Variants in SNX29 observed in about 807,000 individuals in gnomAD.
SNX29 encodes sorting nexin 29.
A neutral mutation model predicts 102.1 loss-of-function variants in SNX29; 78 were observed. The observed-to-expected ratio is 0.76, with a 90% CI of 0.64 to 0.92. The LOEUF (loss-of-function observed/expected upper bound fraction) is 0.92, where lower values mean the gene tolerates loss of function less well. SNX29 is among the 40% of genes least tolerant of loss of function. The probability of loss-of-function intolerance (pLI) is 0.00; values close to 1 mark genes in which losing one functional copy is unlikely to be tolerated. For synonymous variants in SNX29, 580 were observed against 414.5 expected (o/e 1.40, Z -4.85); for missense variants, 1,280 against 1,061.7 (o/e 1.21, Z -2.86).
chr16:12,374,090 G>C (rs1230527008), intron 16 of SNX29, among the ~76,000 whole-genome samples: 1 of 152,192 alleles, frequency 6.6e-6, no homozygotes, highest in Non-Finnish European at 1.5e-5. Flanking sequence ...TGCTCCTCCA[G>C]GTCCCCTCTG....
At chr16:12,312,177 T>C (rs1344082439) in intron 15 of SNX29, among the ~76,000 whole-genome samples, 1 of 152,146 alleles carries the variant, frequency 6.6e-6, no homozygotes, top group Admixed American at 6.5e-5. Flanking sequence ...GCAAAAAGGA[T>C]ATTGGGGGCT....
intron 13 of SNX29, among the ~76,000 whole-genome samples, chr16:12,167,396 T>A (rs2076041003): frequency 6.6e-6 from 1 of 152,094 alleles, no homozygotes; most frequent in Admixed American, 6.5e-5. Flanking sequence ...CCTCTGTGGG[T>A]CCAGGTAGAG....
At chr16:12,012,143 C>A (rs1459158458) in intron 3 of SNX29, among the ~76,000 whole-genome samples, 4 of 152,226 alleles carry the variant, frequency 2.6e-5, no homozygotes, top group Admixed American at 2.6e-4. Flanking sequence ...GGGAGTTGGA[C>A]ATGTAAATTG....
At chr16:12,010,800 T>C (rs1015453587) in intron 3 of SNX29, among the ~76,000 whole-genome samples, 1 of 152,144 alleles carries the variant, frequency 6.6e-6, no homozygotes, top group African/African-American at 2.4e-5. Flanking sequence ...TTTGGACTTT[T>C]CAGGAAGCTA....
At chr16:12,248,284 T>C (rs1048019447) in intron 14 of SNX29, among the ~76,000 whole-genome samples, 3 of 152,130 alleles carry the variant, frequency 2.0e-5, no homozygotes, top group Non-Finnish European at 2.9e-5. Flanking sequence ...ATCGTTGTTC[T>C]TCATCGTGTT....
At chr16:12,562,698 C>A (rs183692672) in intron 20 of SNX29, among the ~76,000 whole-genome samples, 2 of 152,214 alleles carry the variant, frequency 1.3e-5, no homozygotes, top group Admixed American at 6.5e-5. Flanking sequence ...TCTTTGGAGT[C>A]GAGATTGAAG....
intron 19 of SNX29, among the ~76,000 whole-genome samples, chr16:12,489,285 G>A (rs1347946946): frequency 2.0e-4 from 29 of 144,008 alleles, no homozygotes; most frequent in African/African-American, 4.5e-4. Context: ...TAACACGCTG[G>A]AAAAAAAAAA....
intron 11 of SNX29, among the ~76,000 whole-genome samples, chr16:12,107,675 G>A (rs778011274): frequency 6.6e-6 from 1 of 152,114 alleles, no homozygotes; most frequent in African/African-American, 2.4e-5. Flanking sequence ...GGAGTTGCTG[G>A]TTATGTGGAT....
intron 13 of SNX29, among the ~76,000 whole-genome samples, chr16:12,194,888 A>G (rs536402163): frequency 1.3e-5 from 2 of 152,196 alleles, no homozygotes; most frequent in African/African-American, 2.4e-5. Context: ...CGGTCTCCCA[A>G]AGTGCTGGGA....
At position 12,572,062 on chromosome 16, in the gene SNX29, C is replaced by G; in HGVS notation, c.*3433C>G. ...GTGGAGTTGTAAACAAGGGAACCATCTTGCAAGATCTAGGAAGAGGAAGGG... is the reference window on the plus strand; with the variant it reads ...GTGGAGTTGTAAACAAGGGAACCATGTTGCAAGATCTAGGAAGAGGAAGGG... On this transcript the variant is annotated 3_prime_UTR_variant, in exon 21 of 21. Coordinates refer to ENST00000566228, the MANE Select transcript of SNX29 (RefSeq NM_032167.5). 9.4e-7 allele frequency: 1 copy of G among 1,063,564 alleles called. No homozygotes were observed. The highest frequency in any genetic ancestry group is 5.4e-5 in the Admixed American group (1 of 18,664). 65.9% of individuals were successfully genotyped at this position (1,063,564 alleles called of 1,614,324 possible).
chr16:12,164,556 C>CACAAA (rs1213156357), intron 13 of SNX29, among the ~76,000 whole-genome samples: 2 of 152,026 alleles, frequency 1.3e-5, no homozygotes, highest in East Asian at 3.9e-4. Flanking sequence ...TGAAACTTCT[C>CACAAA]ACTTTGAAAG....
chr16:12,544,643 T>G (rs1257338520), intron 20 of SNX29, among the ~76,000 whole-genome samples: 3 of 152,220 alleles, frequency 2.0e-5, no homozygotes, highest in African/African-American at 7.2e-5. Flanking sequence ...CAGGTTCATG[T>G]CAGACTGTTT....
chr16:11,980,478 C>T (rs995300292), intron 1 of SNX29, among the ~76,000 whole-genome samples: 9 of 152,252 alleles, frequency 5.9e-5, no homozygotes, highest in Non-Finnish European at 1.3e-4. Flanking sequence ...TGAACGTTCA[C>T]GCACATGTTT....
intron 20 of SNX29, among the ~76,000 whole-genome samples, chr16:12,540,915 T>G (rs1756900631): frequency 6.6e-6 from 1 of 152,198 alleles, no homozygotes; most frequent in Non-Finnish European, 1.5e-5. Context: ...GACAGCCCTG[T>G]CTGTTCACCC....
intron 15 of SNX29, among the ~76,000 whole-genome samples, chr16:12,294,624 C>T (rs1036288158): frequency 1.1e-4 from 16 of 152,166 alleles, no homozygotes; most frequent in Non-Finnish European, 2.2e-4. Context: ...CTGCCCTTTG[C>T]CTATGCTCAG....
chr16:12,166,092 A>G (rs2056009016), intron 13 of SNX29, among the ~76,000 whole-genome samples: 1 of 152,254 alleles, frequency 6.6e-6, no homozygotes, highest in Non-Finnish European at 1.5e-5. Flanking sequence ...AGTAGTAGTC[A>G]TTGCCGTTAT....
At chr16:12,150,477 C>T (rs2055251172) in intron 13 of SNX29, among the ~76,000 whole-genome samples, 2 of 152,236 alleles carry the variant, frequency 1.3e-5, no homozygotes, top group African/African-American at 4.8e-5. Context: ...CCCAGGCCTT[C>T]ACCAGCACTG....
chr16:12,478,862 C>G (rs141211491), intron 19 of SNX29, among the ~76,000 whole-genome samples: 47 of 152,308 alleles, frequency 3.1e-4, no homozygotes, highest in African/African-American at 1.0e-3. Context: ...AGTGATTGCA[C>G]TCTGCGACCA....
At chr16:12,160,159 G>T (rs532915476) in intron 13 of SNX29, among the ~76,000 whole-genome samples, 1 of 152,200 alleles carries the variant, frequency 6.6e-6, no homozygotes, top group Non-Finnish European at 1.5e-5. Context: ...TGAGGCCTGG[G>T]TGGTGGTCTG....
Sources: allele counts gnomAD v4.1 joint callset (sites outside exome capture counted in the v4.1 genomes callset), GRCh38; gene constraint gnomAD v4.1.1; transcripts MANE v1.5; gene names NCBI Gene and HGNC (gene_info 2026-07-23, HGNC 2026-07-21).